The following MAML3 variants were observed in gnomAD, a reference collection of about 807,000 sequenced individuals.
MAML3 encodes mastermind like transcriptional coactivator 3, also known as mastermind-like protein 3.
Under a neutral mutation model 101.9 loss-of-function variants are expected in MAML3, and 27 were observed. The ratio of observed to expected loss-of-function variants is 0.27; its 90% CI spans 0.20 to 0.37. The LOEUF (loss-of-function observed/expected upper bound fraction) is 0.37, where lower values mean the gene tolerates loss of function less well. Among genes scored for constraint, MAML3 ranks in the 10% least tolerant of loss-of-function variants. MAML3 has a pLI of 1.00. For missense variants in MAML3, 1,316 were observed against 1,444.9 expected, an observed-to-expected ratio of 0.91 and a Z score of 1.45; for synonymous variants, 501 against 555.9, an observed-to-expected ratio of 0.90 and a Z score of 1.39.
chr4:139,942,255 A>G (rs1246839228), intron 1 of MAML3, among the ~76,000 whole-genome samples: 1 of 152,172 alleles, frequency 6.6e-6, no homozygotes, highest in East Asian at 1.9e-4. Context: ...CATAATATCA[A>G]GAAGAACACA....
At chr4:139,909,388 G>A (rs1475654840) in intron 1 of MAML3, among the ~76,000 whole-genome samples, 1 of 152,176 alleles carries the variant, frequency 6.6e-6, no homozygotes, top group Non-Finnish European at 1.5e-5. Flanking sequence ...TTTGATGCAA[G>A]TATCTCAACA....
intron 1 of MAML3, among the ~76,000 whole-genome samples, chr4:140,112,228 G>C (rs1289665307): frequency 6.6e-6 from 1 of 151,948 alleles, no homozygotes; most frequent in Non-Finnish European, 1.5e-5. Flanking sequence ...AATTAGTCCA[G>C]TGGGAGCCCA....
chr4:140,107,160 T>G (rs1264301248), intron 1 of MAML3, among the ~76,000 whole-genome samples: 2 of 152,020 alleles, frequency 1.3e-5, no homozygotes, highest in Non-Finnish European at 1.5e-5. Flanking sequence ...CATGAGCCAC[T>G]GCGCCCAGCC....
At chr4:139,873,950 T>C (rs1732061600) in intron 2 of MAML3, among the ~76,000 whole-genome samples, 1 of 152,260 alleles carries the variant, frequency 6.6e-6, no homozygotes, top group African/African-American at 2.4e-5. Flanking sequence ...ACTAATATGG[T>C]AATCTTTCCA....
Position 140,054,262 on chromosome 4 carries a change from G to A in MAML3, c.468+98598C>T, listed in dbSNP as rs373679369. The stretch of plus-strand genomic sequence containing the variant: ...CGCATGCCTGTAATCCCAGCTACCC[G>A]GGAGGCTGAGGCAGGAGAATCACTG... On this transcript the variant is annotated intron_variant, in intron 1 of 4. Transcript: ENST00000509479. 1.4e-3 allele frequency among the ~76,000 whole-genome samples: 214 copies of A among 151,668 alleles called. 3 individuals carry two copies. In the South Asian group the frequency reaches 0.043, roughly 30 times the overall value.
chr4:140,138,283 C>T (rs922898923), intron 1 of MAML3, among the ~76,000 whole-genome samples: 1 of 152,146 alleles, frequency 6.6e-6, no homozygotes, highest in Non-Finnish European at 1.5e-5. Flanking sequence ...TCAATAGGTT[C>T]TAAGAATTAA....
At chr4:139,772,101 G>A (rs1398794015) in intron 2 of MAML3, among the ~76,000 whole-genome samples, 10 of 151,152 alleles carry the variant, frequency 6.6e-5, no homozygotes, top group Non-Finnish European at 1.2e-4. Context: ...TTAGCTGGGC[G>A]CGGTGGCAGG....
chr4:140,050,164 T>C (rs1036009747), intron 1 of MAML3, among the ~76,000 whole-genome samples: 1 of 152,200 alleles, frequency 6.6e-6, no homozygotes, highest in Non-Finnish European at 1.5e-5. Flanking sequence ...CCATATTCTT[T>C]CATTTCTCTT....
intron 1 of MAML3, among the ~76,000 whole-genome samples, chr4:139,912,835 C>A (rs181827653): frequency 6.6e-6 from 1 of 152,324 alleles, no homozygotes; most frequent in East Asian, 1.9e-4. Flanking sequence ...GCTCACCCTG[C>A]TGACACCTTG....
chr4:140,019,317 GTAAT>G (rs1409596251), intron 1 of MAML3, among the ~76,000 whole-genome samples: 2 of 152,150 alleles, frequency 1.3e-5, no homozygotes, highest in African/African-American at 4.8e-5. Flanking sequence ...TAGTCACCCT[GTAAT>G]TAATTACTTC....
At chr4:139,977,348 C>T (rs116934062) in intron 1 of MAML3, among the ~76,000 whole-genome samples, 1 of 151,996 alleles carries the variant, frequency 6.6e-6, no homozygotes, top group African/African-American at 2.4e-5. Flanking sequence ...CTGATAGTGC[C>T]GAGGGTGAGA....
At chr4:139,975,056 C>T (rs1363457273) in intron 1 of MAML3, among the ~76,000 whole-genome samples, 1 of 151,942 alleles carries the variant, frequency 6.6e-6, no homozygotes, top group African/African-American at 2.4e-5. Flanking sequence ...GTGACATGAT[C>T]CTATTAACCT....
intron 2 of MAML3, among the ~76,000 whole-genome samples, chr4:139,780,655 C>T (rs573911670): frequency 7.1e-4 from 102 of 143,642 alleles, no homozygotes; most frequent in South Asian, 6.6e-4. Context: ...GACAGAGTCT[C>T]GCTCTTGCTC....
At chr4:140,052,948 C>G (rs1727292578) in intron 1 of MAML3, among the ~76,000 whole-genome samples, 1 of 152,238 alleles carries the variant, frequency 6.6e-6, no homozygotes, top group Non-Finnish European at 1.5e-5. Context: ...AATTTGTCTC[C>G]ATGAATCAGT....
At chr4:140,086,411 G>GTC (rs1727952796) in intron 1 of MAML3, among the ~76,000 whole-genome samples, 1 of 152,096 alleles carries the variant, frequency 6.6e-6, no homozygotes, top group Non-Finnish European at 1.5e-5. Flanking sequence ...ACAATACACT[G>GTC]TCTCGTCGTC....
chr4:140,006,454 C>T (rs1245674863), intron 1 of MAML3, among the ~76,000 whole-genome samples: 1 of 151,890 alleles, frequency 6.6e-6, no homozygotes, highest in Non-Finnish European at 1.5e-5. Context: ...GGCATGGTGG[C>T]GGGTGCCTGT....
chr4:139,882,757 G>A (rs1277803295), intron 2 of MAML3, among the ~76,000 whole-genome samples: 1 of 152,136 alleles, frequency 6.6e-6, no homozygotes, highest in Non-Finnish European at 1.5e-5. Context: ...CCTGAGGCAG[G>A]AGAATCACTT....
chr4:139,792,864 C>T (rs1208407040), intron 2 of MAML3, among the ~76,000 whole-genome samples: 4 of 151,936 alleles, frequency 2.6e-5, no homozygotes, highest in African/African-American at 9.7e-5. Flanking sequence ...CCTGCCTCAG[C>T]CTCCCAAGTA....
intron 2 of MAML3, among the ~76,000 whole-genome samples, chr4:139,830,300 C>G (rs181037520): frequency 1.3e-5 from 2 of 152,168 alleles, no homozygotes; most frequent in African/African-American, 4.8e-5. Context: ...TACATCCTGG[C>G]TATATCAGAT....
Sources: allele counts gnomAD v4.1 joint callset (sites outside exome capture counted in the v4.1 genomes callset), GRCh38; gene constraint gnomAD v4.1.1; transcripts MANE v1.5; gene names NCBI Gene and HGNC (gene_info 2026-07-23, HGNC 2026-07-21).